TRPM7: variants seen among roughly 807,000 people sequenced by gnomAD.
TRPM7 encodes the protein LTRPC ion channel family member 7.
TRPM7 carries 134 observed loss-of-function variants against 229.7 expected under a neutral mutation model. The observed-to-expected ratio is 0.58, with a 90% CI of 0.51 to 0.67. The LOEUF is 0.67. Among genes scored for constraint, TRPM7 ranks in the 30% least tolerant of loss-of-function variants. The pLI is 0.00. For synonymous variants in TRPM7, 699 were observed against 715.2 expected (o/e 0.98, Z 0.36); for missense variants, 1,901 against 2,210.0 (o/e 0.86, Z 2.80).
intron 1 of TRPM7, 142 bp from the exon 2 acceptor site, chr15:50,663,188 G>T (rs2061778669): frequency 1.6e-6 from 1 of 632,506 alleles, no homozygotes; most frequent in Non-Finnish European, 2.7e-6. Flanking sequence ...GAGAGCAATG[G>T]TGTGATCTTG....
At position 50,561,660 on chromosome 15, in the gene TRPM7, G is replaced by T; in HGVS notation, c.*18C>A. The T allele has an allele frequency of 2.5e-6, 4 of 1,600,544 alleles. No homozygotes were observed. Among genetic ancestry groups the T allele is most frequent in the Non-Finnish European group, 3.4e-6 (4 of 1,176,794 alleles). The stretch of plus-strand genomic sequence containing the variant: ...TCTGTGAGGTGCAGGCAAAACCAAT[G>T]ATTCAGTAATATTAATATTATAACA... On this transcript the variant is annotated 3_prime_UTR_variant, in exon 39 of 39. Coordinates refer to ENST00000646667, the MANE Select transcript of TRPM7 (RefSeq NM_017672.6).
intron 12 of TRPM7, among the ~76,000 whole-genome samples, chr15:50,620,046 G>C (rs913744924): frequency 2.0e-5 from 3 of 152,108 alleles, no homozygotes; most frequent in Non-Finnish European, 2.9e-5. Context: ...CTTTACAATT[G>C]TATCTTAAAT....
chr15:50,574,133 T>A (rs1256574071), intron 36 of TRPM7, 141 bp downstream of exon 36: 1 of 666,176 alleles, frequency 1.5e-6, no homozygotes, highest in Non-Finnish European at 2.6e-6. Context: ...CTATATGCTA[T>A]GACTGTGATT....
intron 18 of TRPM7, 29 bp downstream of exon 18, chr15:50,609,777 T>C (rs1204078698): frequency 4.4e-6 from 7 of 1,599,704 alleles, no homozygotes; most frequent in African/African-American, 1.3e-5. Context: ...AACAAACTTA[T>C]ATTTACTTTA....
intron 28 of TRPM7, 90 bp from the exon 29 acceptor site, chr15:50,583,249 A>AT (rs1265026803): frequency 1.2e-6 from 1 of 801,970 alleles, no homozygotes; most frequent in African/African-American, 1.8e-5. Context: ...TAGGCACAGT[A>AT]TAACCTTCAT....
intron 16 of TRPM7, among the ~76,000 whole-genome samples, chr15:50,612,319 T>G (rs1352004442): frequency 6.6e-6 from 1 of 152,152 alleles, no homozygotes; most frequent in Non-Finnish European, 1.5e-5. Flanking sequence ...TTCTTCTTTC[T>G]TGCTGAGATA....
At chr15:50,673,040 TAA>T (rs925470149) in intron 1 of TRPM7, among the ~76,000 whole-genome samples, 2 of 148,740 alleles carry the variant, frequency 1.3e-5, no homozygotes, top group African/African-American at 5.2e-5. Context: ...TCTGTTAAAT[TAA>T]AAAGTTACAG....
At chr15:50,672,745 A>G (rs764711490) in intron 1 of TRPM7, among the ~76,000 whole-genome samples, 1 of 151,706 alleles carries the variant, frequency 6.6e-6, no homozygotes, top group Non-Finnish European at 1.5e-5. Flanking sequence ...CCCCATCACT[A>G]CTAAAAATAT....
intron 22 of TRPM7, among the ~76,000 whole-genome samples, chr15:50,596,702 A>G (rs1238566012): frequency 6.6e-6 from 1 of 152,210 alleles, no homozygotes; most frequent in Non-Finnish European, 1.5e-5. Context: ...TAAAGAGGGT[A>G]AAATTCCTGG....
At chr15:50,566,297 ATTATT>A (rs1327672550) in intron 38 of TRPM7, among the ~76,000 whole-genome samples, 11 of 152,208 alleles carry the variant, frequency 7.2e-5, no homozygotes, top group African/African-American at 2.4e-4. Flanking sequence ...TGAAATTATA[ATTATT>A]TTAAAGTAAA....
chr15:50,577,216 A>C (rs2054177034), intron 31 of TRPM7, among the ~76,000 whole-genome samples: 2 of 152,172 alleles, frequency 1.3e-5, no homozygotes, highest in South Asian at 4.1e-4. Context: ...GATTTCATTA[A>C]ACAACAATGG....
chr15:50,673,361 A>G (rs1461009707), intron 1 of TRPM7, among the ~76,000 whole-genome samples: 1 of 152,104 alleles, frequency 6.6e-6, no homozygotes, highest in Non-Finnish European at 1.5e-5. Context: ...ATTTTGGTGC[A>G]CCCATTGCCC....
chr15:50,640,522 G>C lies in TRPM7; in HGVS notation c.536-974C>G, dbSNP rs180776400. 2.7e-5 allele frequency among the ~76,000 whole-genome samples: 4 copies of C among 149,388 alleles called. No homozygotes were observed. In the East Asian group the frequency reaches 5.9e-4, roughly 22 times the overall value. On this transcript the variant is annotated intron_variant, in intron 5 of 38. Transcript: ENST00000646667. ...GCTAGTTTTGAACTCCTGGGCTCAAGTGATCCTCCCACCTCAGCCTCCCAA... is the reference window on the plus strand; with the variant it reads ...GCTAGTTTTGAACTCCTGGGCTCAACTGATCCTCCCACCTCAGCCTCCCAA...
rs1216664803 is a variant in TRPM7, at chr15:50,580,923, AAAC to A, written c.4558-18_4558-16del. ...TGTAACCAATCCTTCAGTAAAAAAAAAACACACACACACAAAAACCTTAAAGAC... is the reference window on the plus strand; with the variant it reads ...TGTAACCAATCCTTCAGTAAAAAAAAACACACACACAAAAACCTTAAAGAC... On this transcript the variant is annotated splice_polypyrimidine_tract_variant and intron_variant, in intron 29 of 38. Coordinates refer to ENST00000646667, the MANE Select transcript of TRPM7 (RefSeq NM_017672.6). The A allele has an allele frequency of 1.7e-5, 27 of 1,574,426 alleles. No individual in the cohort carries two copies. Among genetic ancestry groups the A allele is most frequent in the Non-Finnish European group, 2.2e-5 (26 of 1,168,532 alleles).
At position 50,574,392 on chromosome 15, in the gene TRPM7, G is replaced by A. The variant is rs1169563884; in HGVS notation, c.5190C>T (p.Tyr1730=). 1.2e-6 allele frequency: 2 copies of A among 1,613,726 alleles called. No homozygotes were observed. Among genetic ancestry groups the A allele is most frequent in the East Asian group, 2.2e-5 (1 of 44,848 alleles). ...EECMTGEFRK[Y]NNNNGDEIIP... is the part of the protein sequence containing the mutation. Reference sequence around the variant, plus strand: ...TAATCTCATCTCCATTATTATTGTTGTATTTTCTAAATTCTCCAGTCATAC... The same window carrying A: ...TAATCTCATCTCCATTATTATTGTTATATTTTCTAAATTCTCCAGTCATAC... The change falls in exon 36 of 39, where the codon TAC becomes TAT. Residue 1730 remains tyrosine, a synonymous_variant. Coordinates refer to ENST00000646667, the MANE Select transcript of TRPM7 (RefSeq NM_017672.6).
At position 50,613,689 on chromosome 15, in the gene TRPM7, A is replaced by C. The variant is rs1429140628; in HGVS notation, c.1770+18T>G. Reference sequence around the variant, plus strand: ...AGAAAATAAAAACCCAGAAAGAATAATATTTAAATAAATTTACCTTTGGTC... The same window carrying C: ...AGAAAATAAAAACCCAGAAAGAATACTATTTAAATAAATTTACCTTTGGTC... On this transcript the variant is annotated intron_variant, in intron 15 of 38. Transcript: ENST00000646667. 2 of 1,503,720 alleles carry C rather than the reference A, an allele frequency of 1.3e-6. No homozygotes were observed. The highest frequency in any genetic ancestry group is 5.0e-5 in the East Asian group (2 of 40,066). 93.1% of individuals were successfully genotyped at this position (1,503,720 alleles called of 1,614,324 possible).
chr15:50,563,894 T>C (rs1297076212), intron 38 of TRPM7, among the ~76,000 whole-genome samples: 1 of 152,066 alleles, frequency 6.6e-6, no homozygotes. Flanking sequence ...CAAGGTCTTG[T>C]TGTTGCCCAG....
At position 50,614,111 on chromosome 15, in the gene TRPM7, A is replaced by T. The variant is rs1252978974; in HGVS notation, c.1635+12T>A. On this transcript the variant is annotated intron_variant, in intron 14 of 38. Coordinates refer to ENST00000646667, the MANE Select transcript of TRPM7 (RefSeq NM_017672.6). ...AAGCATATATATAGATTTCCCCACA[A>T]ATTTTACATACCCGATTATTTCCAC... 3.2e-6 allele frequency: 5 copies of T among 1,585,676 alleles called. No individual in the cohort carries two copies. Among genetic ancestry groups the T allele is most frequent in the Non-Finnish European group, 2.6e-6 (3 of 1,169,788 alleles).
intron 38 of TRPM7, 48 bp from the exon 39 acceptor site, chr15:50,561,856 GAA>G: frequency 6.9e-7 from 1 of 1,458,250 alleles, no homozygotes; most frequent in South Asian, 1.4e-5. Flanking sequence ...AAAGAGAAAA[GAA>G]AAAAGTTAGT....
Sources: allele counts gnomAD v4.1 joint callset (sites outside exome capture counted in the v4.1 genomes callset), GRCh38; gene constraint gnomAD v4.1.1; transcripts MANE v1.5; gene names NCBI Gene and HGNC (gene_info 2026-07-23, HGNC 2026-07-21).